PLGRKT: variants seen among roughly 807,000 people sequenced by gnomAD.
PLGRKT encodes the protein plasminogen receptor with a C-terminal lysine.
PLGRKT carries 22 observed loss-of-function variants against 18.5 expected under a neutral mutation model. The observed-to-expected ratio is 1.19, with a 90% CI of 0.85 to 1.70. The LOEUF is 1.70. Ranked by LOEUF, PLGRKT falls within the 40% of genes most tolerant of loss-of-function variation. PLGRKT has a pLI of 0.00. For missense variants in PLGRKT, 235 were observed against 174.4 expected (o/e 1.35, Z -1.96); for synonymous variants, 72 against 52.8 (o/e 1.36, Z -1.58).
chr9:5,385,939 G>A lies in PLGRKT; in HGVS notation c.82-24051C>T, dbSNP rs962435857. ...ATTATTTTAGTAAAAGCACAGTTATGGGTCAATAAATGTTGGTTCTTTATA... is the reference window on the plus strand; with the variant it reads ...ATTATTTTAGTAAAAGCACAGTTATAGGTCAATAAATGTTGGTTCTTTATA... On this transcript the variant is annotated intron_variant, in intron 3 of 5. Transcript: ENST00000223864. Among the ~76,000 whole-genome samples the A allele has an allele frequency of 3.0e-4, 46 of 151,720 alleles. 1 individual carries two copies. Among genetic ancestry groups the A allele is most frequent in the Non-Finnish European group, 1.9e-4 (13 of 68,018 alleles).
intron 3 of PLGRKT, among the ~76,000 whole-genome samples, chr9:5,409,717 G>C (rs1033990802): frequency 1.3e-5 from 2 of 152,142 alleles, no homozygotes. Flanking sequence ...CGCTGGATGT[G>C]GGACATGAAG....
intron 3 of PLGRKT, among the ~76,000 whole-genome samples, chr9:5,409,046 C>A (rs922467228): frequency 1.3e-5 from 2 of 152,166 alleles, no homozygotes; most frequent in African/African-American, 2.4e-5. Context: ...TCTGGATGTC[C>A]AGGCAGAAGC....
At position 5,395,495 on chromosome 9, in the gene PLGRKT, G is replaced by C. The variant is rs540669177; in HGVS notation, c.82-33607C>G. On this transcript the variant is annotated intron_variant, in intron 3 of 5. Coordinates refer to ENST00000223864, the MANE Select transcript of PLGRKT (RefSeq NM_018465.4). ...AATAACTTTGCAGAATTATGGAGCA[G>C]GACTCATTAAGAAATAAGAGTAACA... Among the ~76,000 whole-genome samples the C allele has an allele frequency of 1.6e-4, 25 of 151,980 alleles. 1 individual carries two copies. The highest frequency in any genetic ancestry group is 3.1e-4 in the African/African-American group (13 of 41,276).
At chr9:5,407,876 CTA>C (rs1365170178) in intron 3 of PLGRKT, among the ~76,000 whole-genome samples, 1 of 152,084 alleles carries the variant, frequency 6.6e-6, no homozygotes, top group African/African-American at 2.4e-5. Context: ...GCATCTGTAA[CTA>C]TGTGTGTGTG....
intron 3 of PLGRKT, among the ~76,000 whole-genome samples, chr9:5,416,234 T>A (rs1265960306): frequency 1.3e-5 from 2 of 152,166 alleles, no homozygotes; most frequent in African/African-American, 4.8e-5. Flanking sequence ...ATTAAAGACA[T>A]CTATGGGGGC....
chr9:5,392,940 C>G, intron 3 of PLGRKT, among the ~76,000 whole-genome samples: 1 of 151,754 alleles, frequency 6.6e-6, no homozygotes. Context: ...CTCCCAGGTT[C>G]AAGTGATTCT....
intron 3 of PLGRKT, among the ~76,000 whole-genome samples, chr9:5,393,461 T>C (rs949772231): frequency 6.6e-6 from 1 of 151,944 alleles, no homozygotes; most frequent in African/African-American, 2.4e-5. Context: ...TAAATAATTC[T>C]AACAGTAATT....
chr9:5,388,196 G>A (rs956708016), intron 3 of PLGRKT, among the ~76,000 whole-genome samples: 72 of 151,874 alleles, frequency 4.7e-4, no homozygotes, highest in African/African-American at 1.7e-3. Flanking sequence ...ATGTGTAACA[G>A]TCAGGAAGAA....
intron 3 of PLGRKT, among the ~76,000 whole-genome samples, chr9:5,375,800 A>G (rs1817615852): frequency 6.6e-6 from 1 of 152,216 alleles, no homozygotes; most frequent in Non-Finnish European, 1.5e-5. Context: ...GTGATTCCTA[A>G]AACAATTAAA....
rs1425559446 is a variant in PLGRKT at position 5,418,362 on chromosome 9, C to T, written c.81+13535G>A. ...GCACCCACAAGAGACTTCCCTGCAG[C>T]CCTCTCCAGCCACAAGATGTCACAG... On this transcript the variant is annotated intron_variant, in intron 3 of 5. Coordinates refer to ENST00000223864, the MANE Select transcript of PLGRKT (RefSeq NM_018465.4). This position sits in a 1 kb window ranked among gnomAD's most constrained non-coding sequence, Gnocchi z 4.2. The T allele has an allele frequency of 1.4e-5, 10 of 721,206 alleles. No homozygotes were observed. The highest frequency in any genetic ancestry group is 1.7e-5 in the Non-Finnish European group (7 of 403,404). 44.7% of individuals were successfully genotyped at this position (721,206 alleles called of 1,614,324 possible). A position where few individuals can be genotyped will look rare whatever the true frequency, so the allele number is the denominator to read the frequency against.
At chr9:5,360,930 T>C (rs1817248728) in intron 5 of PLGRKT, 148 bp downstream of exon 5, 1 of 547,812 alleles carries the variant, frequency 1.8e-6, no homozygotes, top group Non-Finnish European at 3.3e-6. Flanking sequence ...AGGACACCAC[T>C]GTGTGAAAGG....
chr9:5,426,418 C>A (rs1417183972), intron 3 of PLGRKT, among the ~76,000 whole-genome samples: 1 of 152,086 alleles, frequency 6.6e-6, no homozygotes, highest in Non-Finnish European at 1.5e-5. Flanking sequence ...GGGACACATT[C>A]AAGGAACAAA....
intron 3 of PLGRKT, among the ~76,000 whole-genome samples, chr9:5,386,096 C>T (rs999359514): frequency 2.0e-5 from 3 of 151,752 alleles, no homozygotes; most frequent in Non-Finnish European, 2.9e-5. Context: ...CAAGAAAATG[C>T]GAATGCACTG....
chr9:5,383,187 C>T (rs148975349), intron 3 of PLGRKT, among the ~76,000 whole-genome samples: 281 of 152,234 alleles, frequency 1.8e-3, no homozygotes, highest in Non-Finnish European at 3.3e-3. Flanking sequence ...ACGCCTGGAG[C>T]CACTGGAAGC....
chr9:5,365,083 AC>A (rs1817355897), intron 3 of PLGRKT, among the ~76,000 whole-genome samples: 1 of 150,314 alleles, frequency 6.7e-6, no homozygotes, highest in South Asian at 2.1e-4. Flanking sequence ...CATACCTAAC[AC>A]CCAGAAACAC....
intron 3 of PLGRKT, among the ~76,000 whole-genome samples, chr9:5,402,623 G>C (rs570787236): frequency 6.6e-6 from 1 of 151,878 alleles, no homozygotes; most frequent in African/African-American, 2.4e-5. Flanking sequence ...GGGCAGTGAC[G>C]GACGAGGAAG....
chr9:5,372,735 G>C (rs1258012366), intron 3 of PLGRKT, among the ~76,000 whole-genome samples: 2 of 152,106 alleles, frequency 1.3e-5, no homozygotes, highest in Non-Finnish European at 2.9e-5. Context: ...TGCCTACTTG[G>C]CAGAACCAGG....
In PLGRKT at chr9:5,431,960, T is replaced by G. The variant is rs1160381450; in HGVS notation, c.18A>C (p.Ser6=). The change falls in exon 3 of 6, where the codon TCA becomes TCC. Residue 6 remains serine, a synonymous_variant. Coordinates refer to ENST00000223864, the MANE Select transcript of PLGRKT (RefSeq NM_018465.4). MGFIF[S]KSMNESMKNQ... is the part of the protein sequence containing the mutation. ...TTTTCATGCTTTCATTCATAGATTT[T>G]GAAAATATAAACCCCATTTTGACCT... 2.6e-6 allele frequency: 4 copies of G among 1,527,680 alleles called. No homozygotes were observed. In the East Asian group the frequency reaches 9.0e-5, roughly 34 times the overall value. 94.6% of individuals were successfully genotyped at this position (1,527,680 alleles called of 1,614,324 possible). A position where few individuals can be genotyped will look rare whatever the true frequency, so the allele number is the denominator to read the frequency against.
At chr9:5,432,139 C>G (rs969687132) in intron 2 of PLGRKT, among the ~76,000 whole-genome samples, 156 bp from the exon 3 acceptor site, 3 of 152,126 alleles carry the variant, frequency 2.0e-5, no homozygotes, top group Admixed American at 2.0e-4. Flanking sequence ...TTGCTCCTAA[C>G]TAGCTGCCTG....
Sources: allele counts gnomAD v4.1 joint callset (sites outside exome capture counted in the v4.1 genomes callset), GRCh38; gene constraint gnomAD v4.1.1; non-coding constraint Gnocchi (gnomAD v3.1); transcripts MANE v1.5; gene names NCBI Gene and HGNC (gene_info 2026-07-23, HGNC 2026-07-21).